Variants in RIMBP2 observed in about 807,000 individuals in gnomAD.
RIMBP2 encodes the protein RIMS-binding protein 2.
In RIMBP2, 48 loss-of-function variants were observed where a neutral mutation model predicts 118.6. The observed-to-expected ratio is 0.40, with a 90% CI of 0.32 to 0.51. The LOEUF is 0.51. Among genes scored for constraint, RIMBP2 ranks in the 20% least tolerant of loss-of-function variants. RIMBP2 has a pLI of 0.41. For missense variants in RIMBP2, 1,551 were observed against 1,768.3 expected (o/e 0.88, Z 2.20); for synonymous variants, 762 against 742.9 (o/e 1.03, Z -0.42).
In RIMBP2 at chr12:130,710,465, C is replaced by A. The variant is rs1306733064; in HGVS notation, c.-352+5757G>T. 6.6e-6 allele frequency among the ~76,000 whole-genome samples: 1 copy of A among 152,156 alleles called. No homozygotes were observed. Among genetic ancestry groups the A allele is most frequent in the Non-Finnish European group, 1.5e-5 (1 of 68,026 alleles). On this transcript the variant is annotated intron_variant, in intron 1 of 22. Transcript: ENST00000690449. The surrounding 1 kb of genome is among the most constrained non-coding windows in gnomAD (Gnocchi z 4.3). ...GCAGGCGCACACACACACATACACA[C>A]ACACACGTACACACACACATGTGTG... is the stretch of plus-strand genomic sequence containing the variant.
intron 17 of RIMBP2, among the ~76,000 whole-genome samples, chr12:130,415,979 A>AC (rs57910706): frequency 0.32 from 48,543 of 151,676 alleles, 8,143 homozygotes; most frequent in African/African-American, 0.44. Flanking sequence ...ACACACACAC[A>AC]AAATATACAG....
rs1336875443 is a variant in RIMBP2, at chr12:130,421,689, A to ATGTGTGTG, written c.3238+763_3238+764insCACACACA. On this transcript the variant is annotated intron_variant, in intron 17 of 22. Coordinates refer to ENST00000690449, the MANE Select transcript of RIMBP2 (RefSeq NM_001393629.1). ...TGTATCAAGAGTTCTCCCTGCATTT[A>ATGTGTGTG]TATGTGTGTGTGTGTGTGTGTGTGT... 8.7e-3 allele frequency among the ~76,000 whole-genome samples: 929 copies of ATGTGTGTG among 106,938 alleles called. 5 individuals are homozygous for ATGTGTGTG. Among genetic ancestry groups the ATGTGTGTG allele is most frequent in the South Asian group, 0.018 (60 of 3,358 alleles). The allele number at this position is 106,938 out of a possible 152,430, so 70.2% of individuals were successfully genotyped here.
At chr12:130,664,607 A>C (rs982991334) in intron 1 of RIMBP2, among the ~76,000 whole-genome samples, 3 of 151,576 alleles carry the variant, frequency 2.0e-5, no homozygotes, top group Non-Finnish European at 4.4e-5. Flanking sequence ...CCAGAGAAGC[A>C]CGGGCTCCTT....
intron 2 of RIMBP2, among the ~76,000 whole-genome samples, chr12:130,563,192 A>G (rs1462047714): frequency 6.6e-6 from 1 of 152,210 alleles, no homozygotes; most frequent in Non-Finnish European, 1.5e-5. Flanking sequence ...CACCCTGTCA[A>G]TTTCATATTC....
intron 3 of RIMBP2, among the ~76,000 whole-genome samples, chr12:130,507,601 C>T (rs1045380314): frequency 5.3e-5 from 8 of 152,212 alleles, no homozygotes; most frequent in Non-Finnish European, 8.8e-5. Context: ...CAGGCCACAA[C>T]CCCCAGGGCC....
intron 7 of RIMBP2, among the ~76,000 whole-genome samples, chr12:130,455,817 C>G (rs1189349489): frequency 6.6e-6 from 1 of 152,104 alleles, no homozygotes; most frequent in Non-Finnish European, 1.5e-5. Flanking sequence ...TGAAACCTGT[C>G]TAACCTCTGC....
chr12:130,523,431 G>A lies in RIMBP2; in HGVS notation c.-216-5514C>T, dbSNP rs961475947. On this transcript the variant is annotated intron_variant, in intron 2 of 22. Coordinates refer to ENST00000690449, the MANE Select transcript of RIMBP2 (RefSeq NM_001393629.1). This position sits in a 1 kb window ranked among gnomAD's most constrained non-coding sequence, Gnocchi z 4.4. The stretch of plus-strand genomic sequence containing the variant: ...GATCCTGCTATGGCAGCCTGAGCTA[G>A]TGTATAGCCTCTGCTAAAGCAACGA... 2.0e-5 allele frequency among the ~76,000 whole-genome samples: 3 copies of A among 152,214 alleles called. No individual in the cohort carries two copies. Among genetic ancestry groups the A allele is most frequent in the Admixed American group, 6.5e-5 (1 of 15,284 alleles).
intron 1 of RIMBP2, among the ~76,000 whole-genome samples, chr12:130,695,556 G>A (rs1171470334): frequency 6.6e-6 from 1 of 152,188 alleles, no homozygotes; most frequent in Admixed American, 6.5e-5. Context: ...AACCTGGGAG[G>A]GAGGGTGGTA....
intron 7 of RIMBP2, among the ~76,000 whole-genome samples, chr12:130,453,986 G>C (rs1468783912): frequency 6.6e-6 from 1 of 151,348 alleles, no homozygotes; most frequent in Non-Finnish European, 1.5e-5. Context: ...CCTGGGAGGC[G>C]GGGCTTGTAC....
intron 1 of RIMBP2, among the ~76,000 whole-genome samples, chr12:130,712,467 G>A (rs573692878): frequency 6.6e-6 from 1 of 151,844 alleles, no homozygotes; most frequent in African/African-American, 2.4e-5. Flanking sequence ...AGGCCTCCCC[G>A]GGGCCAGCAT....
At chr12:130,537,260 G>A (rs2054161433) in intron 2 of RIMBP2, among the ~76,000 whole-genome samples, 1 of 152,226 alleles carries the variant, frequency 6.6e-6, no homozygotes, top group Non-Finnish European at 1.5e-5. Flanking sequence ...CAGACACGAG[G>A]CCATAGTTTT....
chr12:130,609,509 G>A lies in RIMBP2; in HGVS notation c.-217+18813C>T, dbSNP rs528401342. Among the ~76,000 whole-genome samples the A allele has an allele frequency of 3.1e-3, 458 of 150,040 alleles. 29 individuals carry two copies. Among genetic ancestry groups the A allele is most frequent in the African/African-American group, 0.011 (437 of 40,740 alleles). ...CTGGTGAGGTCGGGGGTCAGGAAAT[G>A]TTGGGCCTGGGTCACTTTCTTCTGT... On this transcript the variant is annotated intron_variant, in intron 2 of 22. Coordinates refer to ENST00000690449, the MANE Select transcript of RIMBP2 (RefSeq NM_001393629.1).
intron 19 of RIMBP2, among the ~76,000 whole-genome samples, chr12:130,410,515 G>A (rs978862618): frequency 6.6e-6 from 1 of 152,094 alleles, no homozygotes; most frequent in Non-Finnish European, 1.5e-5. Flanking sequence ...TTGAAACTAT[G>A]ATCCATTTTT....
At chr12:130,573,093 A>G (rs2057808326) in intron 2 of RIMBP2, among the ~76,000 whole-genome samples, 1 of 152,174 alleles carries the variant, frequency 6.6e-6, no homozygotes, top group Admixed American at 6.5e-5. Context: ...CAAAGCAGAC[A>G]TGGCAGCCTT....
intron 2 of RIMBP2, among the ~76,000 whole-genome samples, chr12:130,526,661 G>A (rs1302332083): frequency 6.6e-6 from 1 of 151,738 alleles, no homozygotes; most frequent in Admixed American, 6.6e-5. Context: ...TTTTATCTCT[G>A]GACACATGTA....
rs77835256 is a variant in RIMBP2 at position 130,523,215 on chromosome 12, C to A, written c.-216-5298G>T. ...TATTTCTCTGTGTTGGGGGGGGTTT[C>A]TCTGCCTCCATCTCTCTCTGTCCCC... On this transcript the variant is annotated intron_variant, in intron 2 of 22. Coordinates refer to ENST00000690449, the MANE Select transcript of RIMBP2 (RefSeq NM_001393629.1). This position sits in a 1 kb window ranked among gnomAD's most constrained non-coding sequence, Gnocchi z 4.4. Among the ~76,000 whole-genome samples, 1 of 152,116 alleles carries A rather than the reference C, an allele frequency of 6.6e-6. No individual in the cohort carries two copies. The highest frequency in any genetic ancestry group is 2.4e-5 in the African/African-American group (1 of 41,410).
In RIMBP2 at chr12:130,511,849, C is replaced by T. The variant is rs775523275; in HGVS notation, c.-126-5079G>A. Among the ~76,000 whole-genome samples, 10 of 152,246 alleles carry T rather than the reference C, an allele frequency of 6.6e-5. No individual in the cohort carries two copies. The highest frequency in any genetic ancestry group is 1.5e-4 in the Non-Finnish European group (10 of 68,022). On this transcript the variant is annotated intron_variant, in intron 3 of 22. Transcript: ENST00000690449. This position sits in a 1 kb window ranked among gnomAD's most constrained non-coding sequence, Gnocchi z 4.3. The stretch of plus-strand genomic sequence containing the variant: ...TGTCAAGGAAGCCACCCTCCACACA[C>T]GTCTCTGCTGGACAGGAGCCCCTGG...
chr12:130,438,334 A>ATGCCCCCCCCCCCCCCC, intron 12 of RIMBP2, 31 bp downstream of exon 12: 2 of 1,344,518 alleles, frequency 1.5e-6, no homozygotes, highest in Non-Finnish European at 2.1e-6. Context: ...GGGCCTAACA[A>ATGCCCCCCCCCCCCCCC]ACCCTCCCCA....
At chr12:130,464,051 G>GAGCC (rs2080240556) in intron 6 of RIMBP2, among the ~76,000 whole-genome samples, 1 of 152,156 alleles carries the variant, frequency 6.6e-6, no homozygotes, top group African/African-American at 2.4e-5. Flanking sequence ...GAAAAGGGTG[G>GAGCC]AGCCCTCAGT....
Sources: gnomAD v4.1 joint callset for allele counts (sites outside exome capture counted in the v4.1 genomes callset) on GRCh38, gnomAD v4.1.1 for gene constraint, Gnocchi (gnomAD v3.1) non-coding constraint, MANE v1.5 for transcripts, NCBI Gene and HGNC (gene_info 2026-07-23, HGNC 2026-07-21) for gene names.